Variants in RYR2 observed in about 807,000 individuals in gnomAD.
RYR2 encodes ryanodine receptor 2, also known as cardiac muscle ryanodine receptor-calcium release channel.
Under a neutral mutation model 601.1 loss-of-function variants are expected in RYR2, and 227 were observed. That is an observed-to-expected ratio of 0.38 (90% CI 0.34 to 0.42). The LOEUF (loss-of-function observed/expected upper bound fraction) is 0.42. Among genes scored for constraint, RYR2 ranks in the 10% least tolerant of loss-of-function variants. The pLI is 1.00. For synonymous variants in RYR2, 2,223 were observed against 2,175.1 expected (o/e 1.02, Z -0.61); for missense variants, 4,646 against 6,156.5 (o/e 0.75, Z 8.21).
chr1:237,463,774 C>T (rs373029905), intron 16 of RYR2, among the ~76,000 whole-genome samples: 5 of 152,160 alleles, frequency 3.3e-5, no homozygotes. Flanking sequence ...GTTTTTGTAC[C>T]TTGACGCACC....
chr1:237,523,647 G>T (rs111365193), intron 24 of RYR2, among the ~76,000 whole-genome samples: 3,296 of 151,998 alleles, frequency 0.022, 39 homozygotes, highest in African/African-American at 0.028. Context: ...TGAGGCAGGA[G>T]AATTGCTTGA....
chr1:237,388,220 C>T, intron 10 of RYR2, 37 bp downstream of exon 10: 1 of 1,552,230 alleles, frequency 6.4e-7, no homozygotes, highest in East Asian at 2.3e-5. Context: ...GACTTGCACT[C>T]TTTTGCCTTG....
At chr1:237,280,878 A>T (rs1041162764) in intron 2 of RYR2, among the ~76,000 whole-genome samples, 25 of 150,568 alleles carry the variant, frequency 1.7e-4, no homozygotes, top group African/African-American at 5.9e-4. Flanking sequence ...TCCACCTTCT[A>T]GGTTCAAGTG....
chr1:237,117,995 C>T (rs561134838), intron 1 of RYR2, among the ~76,000 whole-genome samples: 1 of 152,324 alleles, frequency 6.6e-6, no homozygotes, highest in African/African-American at 2.4e-5. Context: ...ATCCATTCTC[C>T]TCAGCCTCCC....
chr1:237,134,535 A>G (rs1446382479), intron 1 of RYR2, among the ~76,000 whole-genome samples: 1 of 152,136 alleles, frequency 6.6e-6, no homozygotes, highest in African/African-American at 2.4e-5. Context: ...AGCATGGGAA[A>G]GACCTGCCCC....
chr1:237,633,142 C>T (rs983644230), intron 42 of RYR2, among the ~76,000 whole-genome samples: 3 of 152,104 alleles, frequency 2.0e-5, no homozygotes, highest in Non-Finnish European at 4.4e-5. Context: ...ATATGTGCCA[C>T]GTACTGAACT....
chr1:237,488,275 C>A (rs1285046499), intron 17 of RYR2, among the ~76,000 whole-genome samples: 1 of 152,150 alleles, frequency 6.6e-6, no homozygotes, highest in Non-Finnish European at 1.5e-5. Flanking sequence ...ATATCACAAA[C>A]TGGGTGATTT....
chr1:237,554,180 GT>G (rs148924175), intron 27 of RYR2, among the ~76,000 whole-genome samples: 4,521 of 151,920 alleles, frequency 0.03, 168 homozygotes, highest in African/African-American at 0.091. Flanking sequence ...TCTGTTCTTA[GT>G]TTGTGGGTGA....
At chr1:237,091,566 AG>A (rs943402194) in intron 1 of RYR2, among the ~76,000 whole-genome samples, 1 of 152,054 alleles carries the variant, frequency 6.6e-6, no homozygotes, top group African/African-American at 2.4e-5. Context: ...CTGGGATTAC[AG>A]GTGTGCGGTG....
At chr1:237,581,189 T>C (rs987905161) in intron 29 of RYR2, among the ~76,000 whole-genome samples, 14 of 152,192 alleles carry the variant, frequency 9.2e-5, no homozygotes, top group African/African-American at 3.4e-4. Flanking sequence ...AGAACGGTTA[T>C]TTATGTTTGG....
chr1:237,464,409 ATT>A (rs35711499), intron 16 of RYR2, among the ~76,000 whole-genome samples: 3 of 150,174 alleles, frequency 2.0e-5, no homozygotes. Flanking sequence ...AGCATTTGTG[ATT>A]TTTTTTTTTG....
At chr1:237,047,654 C>T (rs1291437732) in intron 1 of RYR2, among the ~76,000 whole-genome samples, 1 of 152,148 alleles carries the variant, frequency 6.6e-6, no homozygotes, top group Non-Finnish European at 1.5e-5. Context: ...GTCCCTATTC[C>T]CTTAGATTCC....
At chr1:237,235,854 A>G (rs901146166) in intron 1 of RYR2, among the ~76,000 whole-genome samples, 1 of 152,174 alleles carries the variant, frequency 6.6e-6, no homozygotes, top group African/African-American at 2.4e-5. Flanking sequence ...ATGGACAGAT[A>G]TTAAGTTTTA....
chr1:237,165,590 A>T (rs1317511107), intron 1 of RYR2, among the ~76,000 whole-genome samples: 2 of 152,186 alleles, frequency 1.3e-5, no homozygotes, highest in Admixed American at 1.3e-4. Flanking sequence ...GAGGCTGGGC[A>T]TGGTGGCTCA....
chr1:237,051,362 C>T (rs1661264511), intron 1 of RYR2, among the ~76,000 whole-genome samples: 1 of 139,668 alleles, frequency 7.2e-6, no homozygotes, highest in Non-Finnish European at 1.5e-5. Flanking sequence ...CTCTCCTCTT[C>T]TCTCCTCGGG....
intron 1 of RYR2, among the ~76,000 whole-genome samples, chr1:237,154,321 G>A (rs1675069869): frequency 6.6e-6 from 1 of 152,204 alleles, no homozygotes; most frequent in South Asian, 2.1e-4. Flanking sequence ...GTGATTCATT[G>A]CTGTTCTGAA....
chr1:237,059,193 G>A (rs1662548775), intron 1 of RYR2, among the ~76,000 whole-genome samples: 3 of 152,064 alleles, frequency 2.0e-5, no homozygotes, highest in African/African-American at 7.2e-5. Flanking sequence ...CCACAGTTTT[G>A]TTAAGAGGGT....
intron 10 of RYR2, among the ~76,000 whole-genome samples, chr1:237,393,830 T>C (rs10925401): frequency 0.45 from 67,791 of 152,018 alleles, 15,947 homozygotes; most frequent in East Asian, 0.67. Flanking sequence ...TAGTTTGTCA[T>C]GTGTTCTGGA....
intron 33 of RYR2, among the ~76,000 whole-genome samples, chr1:237,594,712 C>T (rs1468762637): frequency 6.6e-6 from 1 of 151,740 alleles, no homozygotes; most frequent in Non-Finnish European, 1.5e-5. Flanking sequence ...TTTGTTCTTT[C>T]CCTTCTGCTT....
Sources: allele counts gnomAD v4.1 joint callset (sites outside exome capture counted in the v4.1 genomes callset), GRCh38; gene constraint gnomAD v4.1.1; transcripts MANE v1.5; gene names NCBI Gene and HGNC (gene_info 2026-07-23, HGNC 2026-07-21).